The following RYR1 variants were observed in gnomAD, a reference collection of about 807,000 sequenced individuals.
RYR1 encodes the protein ryanodine receptor 1.
RYR1 carries 342 observed loss-of-function variants against 583.5 expected under a neutral mutation model. The observed-to-expected ratio is 0.59, with a 90% confidence interval of 0.54 to 0.64. The LOEUF (loss-of-function observed/expected upper bound fraction) is 0.64. Ranked by LOEUF, RYR1 falls within the 30% of genes least tolerant of loss-of-function variation. The pLI is 0.00. For synonymous variants in RYR1, 2,791 were observed against 2,822.5 expected (o/e 0.99, Z 0.35); for missense variants, 6,032 against 6,917.2 (o/e 0.87, Z 4.54).
chr19:38,485,964 C>T lies in RYR1; in HGVS notation c.5309C>T (p.Ser1770Leu), dbSNP rs398123472. ...HGLPGVGVTT[S>L]LRPPHHFSPP... ...CTGCCGGGAGTTGGAGTCACCACTT[C>T]GCTGAGGCCCCCGCATCATTTCTCG... Residue 1770 changes from serine to leucine, a missense_variant, in exon 34 of 106, where the codon TCG (serine) becomes TTG (leucine). By Grantham distance (145) the Ser-to-Leu change is moderately radical. Transcript: ENST00000359596. The T allele has an allele frequency of 1.2e-6, 2 of 1,613,718 alleles. No individual in the cohort carries two copies. The highest frequency in any genetic ancestry group is 1.6e-4 in the Middle Eastern group (1 of 6,062).
At chr19:38,527,618 C>T (rs945874010) in intron 72 of RYR1, 29 bp from the exon 73 acceptor site, 2 of 1,613,358 alleles carry the variant, frequency 1.2e-6, no homozygotes, top group African/African-American at 1.3e-5. Context: ...GGGTCCCTCA[C>T]GCCGGCCACT....
Position 38,466,087 on chromosome 19 carries a change from G to T in RYR1, c.2871-4G>T, listed in dbSNP as rs762932739. 12 of 1,606,396 alleles carry T rather than the reference G, an allele frequency of 7.5e-6. No homozygotes were observed. The highest frequency in any genetic ancestry group is 4.5e-5 in the South Asian group (4 of 89,842). ...TGTCCCATGGAGCCCTACCATGCCC[G>T]CAGGTATATGATGAGCAATGGGTAC... On this transcript the variant is annotated splice_polypyrimidine_tract_variant and splice_region_variant and intron_variant, in intron 23 of 105. Transcript: ENST00000359596.
intron 54 of RYR1, 75 bp downstream of exon 54, chr19:38,506,021 G>T: frequency 6.3e-7 from 1 of 1,578,250 alleles, no homozygotes; most frequent in Non-Finnish European, 8.6e-7. Flanking sequence ...GGCCAGACAG[G>T]GAAGGGATGG....
chr19:38,537,984 G>A, intron 84 of RYR1, 24 bp downstream of exon 84: 1 of 1,509,674 alleles, frequency 6.6e-7, no homozygotes. Flanking sequence ...GTGTGGGGTG[G>A]AGGGGAAGCC....
rs115697801 is a variant in RYR1, at chr19:38,453,310, G to T, written c.1440+296G>T. On this transcript the variant is annotated intron_variant, in intron 13 of 105. Coordinates refer to ENST00000359596, the MANE Select transcript of RYR1 (RefSeq NM_000540.3). ...GAGAGAAGGATGGAATAAAAGAGCT[G>T]AGGGGCGGGGCCTATGTGAAGCTCA... Among the ~76,000 whole-genome samples, 538 of 151,950 alleles carry T rather than the reference G, an allele frequency of 3.5e-3. 3 individuals are homozygous for T. The highest frequency in any genetic ancestry group is 0.012 in the African/African-American group (512 of 41,432).
intron 101 of RYR1, among the ~76,000 whole-genome samples, chr19:38,582,743 A>G (rs1309352309): frequency 2.0e-5 from 3 of 152,186 alleles, no homozygotes; most frequent in Admixed American, 2.0e-4. Context: ...TCATAACCCA[A>G]ATTGATGCGA....
Position 38,570,595 on chromosome 19 carries a change from C to G in RYR1, c.13660-12C>G. 6.2e-7 allele frequency: 1 copy of G among 1,609,670 alleles called. No homozygotes were observed. The highest frequency in any genetic ancestry group is 1.3e-5 in the African/African-American group (1 of 74,974). On this transcript the variant is annotated splice_polypyrimidine_tract_variant and intron_variant, in intron 93 of 105. Coordinates refer to ENST00000359596, the MANE Select transcript of RYR1 (RefSeq NM_000540.3). ...CTGTGAGCGCTTTCTCTCTTTTTCT[C>G]TTCTCTCTCAGAACTACCTGTCCCG...
Position 38,519,428 on chromosome 19 carries a change from G to C in RYR1, c.10233G>C (p.Leu3411=). The C allele has an allele frequency of 6.2e-7, 1 of 1,600,296 alleles. No homozygotes were observed. The highest frequency in any genetic ancestry group is 8.5e-7 in the Non-Finnish European group (1 of 1,174,476). Residue 3411 remains leucine, a synonymous_variant, in exon 67 of 106, where the codon CTG becomes CTC. Coordinates refer to ENST00000359596, the MANE Select transcript of RYR1 (RefSeq NM_000540.3). ...LCRDLYALYP[L]LIRYVDNNRA... is the part of the protein sequence containing the mutation. Reference sequence around the variant, plus strand: ...GGGACCTCTACGCCCTGTATCCGCTGCTCATCCGCTACGTGGACAACAACA... The same window carrying C: ...GGGACCTCTACGCCCTGTATCCGCTCCTCATCCGCTACGTGGACAACAACA...
At chr19:38,507,926 C>G in intron 58 of RYR1, 99 bp downstream of exon 58, 1 of 525,258 alleles carries the variant, frequency 1.9e-6, no homozygotes, top group East Asian at 2.9e-5. Flanking sequence ...CTCAATCCGT[C>G]CTCCCCTTAT....
At chr19:38,509,872 G>A (rs1970650659) in intron 58 of RYR1, among the ~76,000 whole-genome samples, 2 of 150,830 alleles carry the variant, frequency 1.3e-5, no homozygotes, top group East Asian at 3.8e-4. Context: ...GTTTCATTTG[G>A]TTCATTCATT....
Position 38,586,567 on chromosome 19 carries a change from C to A in RYR1, c.15012C>A (p.His5004Gln), listed in dbSNP as rs1974498761. ...MYLINKDETE[H>Q]TGQESYVWKM... is the part of the protein sequence containing the mutation. Reference sequence around the variant, plus strand: ...TGATAAACAAGGATGAGACAGAACACACGGGTCAGGTAAGGGGGTGTTAAT... The same window carrying A: ...TGATAAACAAGGATGAGACAGAACAAACGGGTCAGGTAAGGGGGTGTTAAT... Residue 5004 changes from histidine to glutamine, a missense_variant, in exon 105 of 106, where the codon CAC becomes CAA. Coordinates refer to ENST00000359596, the MANE Select transcript of RYR1 (RefSeq NM_000540.3). 1.9e-6 allele frequency: 3 copies of A among 1,613,994 alleles called. No homozygotes were observed. The highest frequency in any genetic ancestry group is 2.7e-5 in the African/African-American group (2 of 74,908).
Position 38,496,997 on chromosome 19 carries a change from C to T in RYR1, c.6891+43C>T, listed in dbSNP as rs755648108. On this transcript the variant is annotated intron_variant, in intron 42 of 105. Coordinates refer to ENST00000359596, the MANE Select transcript of RYR1 (RefSeq NM_000540.3). This position sits in a 1 kb window ranked among gnomAD's most constrained non-coding sequence, Gnocchi z 4.8. The stretch of plus-strand genomic sequence containing the variant: ...GGGCCCCAGGCCTAAGGGAGGAAAT[C>T]GGGCCGCTACCCGGCTGCTTGGGAC... The T allele has an allele frequency of 5.2e-6, 8 of 1,546,712 alleles. No homozygotes were observed. The highest frequency in any genetic ancestry group is 1.7e-5 in the Admixed American group (1 of 59,650).
chr19:38,469,947 ATAGCC>A (rs2145466597), intron 27 of RYR1, among the ~76,000 whole-genome samples: 1 of 152,214 alleles, frequency 6.6e-6, no homozygotes, highest in African/African-American at 2.4e-5. Context: ...GTATGCACAT[ATAGCC>A]CTAGCTACTC....
intron 84 of RYR1, among the ~76,000 whole-genome samples, chr19:38,541,181 T>A (rs1231779911): frequency 6.6e-6 from 1 of 152,238 alleles, no homozygotes; most frequent in Non-Finnish European, 1.5e-5. Context: ...CAGGTTCTAA[T>A]TCAATTGATC....
chr19:38,477,366 C>T (rs1968785963), intron 29 of RYR1, among the ~76,000 whole-genome samples: 1 of 152,112 alleles, frequency 6.6e-6, no homozygotes, highest in Non-Finnish European at 1.5e-5. Flanking sequence ...TGGTCTCAAA[C>T]TCCTGACCTC....
At chr19:38,471,177 T>G (rs1968401317) in intron 27 of RYR1, among the ~76,000 whole-genome samples, 1 of 152,188 alleles carries the variant, frequency 6.6e-6, no homozygotes, top group Admixed American at 6.5e-5. Flanking sequence ...TCAGAGACAT[T>G]GTTAGTTACT....
intron 101 of RYR1, among the ~76,000 whole-genome samples, chr19:38,583,768 C>G (rs189249129): frequency 2.6e-5 from 4 of 152,186 alleles, no homozygotes; most frequent in Admixed American, 2.0e-4. Flanking sequence ...TCCCCTACCC[C>G]AGGCCTGACA....
chr19:38,453,907 C>T lies in RYR1; in HGVS notation c.1440+893C>T, dbSNP rs369602728. Among the ~76,000 whole-genome samples, 512 of 152,202 alleles carry T rather than the reference C, an allele frequency of 3.4e-3. 5 individuals carry two copies. Among genetic ancestry groups the T allele is most frequent in the South Asian group, 0.023 (111 of 4,822 alleles). ...TTTGGGAGCCACAGGAGGTTTTGGT[C>T]CTCTACAGTCACAGCTAGTTAGTGG... On this transcript the variant is annotated intron_variant, in intron 13 of 105. Coordinates refer to ENST00000359596, the MANE Select transcript of RYR1 (RefSeq NM_000540.3).
chr19:38,464,271 C>T (rs1454603390), intron 22 of RYR1, among the ~76,000 whole-genome samples: 4 of 93,748 alleles, frequency 4.3e-5, no homozygotes, highest in Non-Finnish European at 7.5e-5. Flanking sequence ...AGCGAGACAC[C>T]GTTTCAGAAA....
Sources: gnomAD v4.1 joint callset for allele counts (sites outside exome capture counted in the v4.1 genomes callset) on GRCh38, gnomAD v4.1.1 for gene constraint, Gnocchi (gnomAD v3.1) non-coding constraint, MANE v1.5 for transcripts, NCBI Gene and HGNC (gene_info 2026-07-23, HGNC 2026-07-21) for gene names.